The following SLC25A13 variants were observed in gnomAD, a reference collection of about 807,000 sequenced individuals.
SLC25A13 encodes the protein solute carrier family 25 member 13.
In SLC25A13, 70 loss-of-function variants were observed where a neutral mutation model predicts 85.5. The ratio of observed to expected loss-of-function variants is 0.82; its 90% confidence interval spans 0.68 to 1.00. The LOEUF (loss-of-function observed/expected upper bound fraction) is 1.00. Among genes scored for constraint, SLC25A13 ranks in the 50% least tolerant of loss-of-function variants. The pLI, the probability that SLC25A13 is intolerant of heterozygous loss-of-function variation, is 0.00. For missense variants in SLC25A13, 765 were observed against 819.8 expected, an observed-to-expected ratio of 0.93 and a Z score of 0.82; for synonymous variants, 259 against 288.7, an observed-to-expected ratio of 0.90 and a Z score of 1.04.
chr7:96,239,065 A>ATATATATG (rs1392985826), intron 3 of SLC25A13, among the ~76,000 whole-genome samples: 4 of 132,064 alleles, frequency 3.0e-5, no homozygotes, highest in African/African-American at 8.8e-5. Context: ...ATATATATAT[A>ATATATATG]TATGTATGTA....
Position 96,248,344 on chromosome 7 carries a change from G to C in SLC25A13, c.213-13427C>G, listed in dbSNP as rs941607852. The stretch of plus-strand genomic sequence containing the variant: ...TAGATTCTAAAATCCTGGCAGCAAG[G>C]GCAGGGGGACTCATAGAAGTTCAGG... On this transcript the variant is annotated intron_variant, in intron 3 of 17. Coordinates refer to ENST00000265631, the MANE Select transcript of SLC25A13 (RefSeq NM_014251.3). Among the ~76,000 whole-genome samples the C allele has an allele frequency of 3.3e-5, 5 of 152,204 alleles. No individual in the cohort carries two copies. The South Asian group carries it at 1.0e-3, about 32-fold the overall frequency.
Position 96,120,263 on chromosome 7 carries a change from C to A in SLC25A13, c.*928G>T, listed in dbSNP as rs1311470087. 2.2e-6 allele frequency: 1 copy of A among 453,660 alleles called. No homozygotes were observed. Among genetic ancestry groups the A allele is most frequent in the South Asian group, 1.6e-5 (1 of 64,462 alleles). 28.1% of individuals were successfully genotyped at this position (453,660 alleles called of 1,614,324 possible). A position where few individuals can be genotyped will look rare whatever the true frequency, so the allele number is the denominator to read the frequency against. ...ATTTCCACCTTCACAAATTCATGCG[C>A]CTCTGACCATTATGCAAGGCAACAT... On this transcript the variant is annotated 3_prime_UTR_variant, in exon 18 of 18. Transcript: ENST00000265631.
intron 14 of SLC25A13, among the ~76,000 whole-genome samples, chr7:96,135,878 T>A (rs1364088894): frequency 1.3e-5 from 2 of 150,372 alleles, no homozygotes; most frequent in Non-Finnish European, 3.0e-5. Context: ...TTTTTTTTTT[T>A]AAACTGGTTT....
At chr7:96,137,586 T>C (rs767628933) in intron 14 of SLC25A13, among the ~76,000 whole-genome samples, 4 of 152,224 alleles carry the variant, frequency 2.6e-5, no homozygotes, top group African/African-American at 7.2e-5. Context: ...CTGAAGCTGC[T>C]AGTCATGTCA....
At chr7:96,173,821 G>C (rs1794106763) in intron 11 of SLC25A13, among the ~76,000 whole-genome samples, 1 of 152,298 alleles carries the variant, frequency 6.6e-6, no homozygotes, top group East Asian at 1.9e-4. Context: ...CGCAAATCAA[G>C]AGTTCAGCAA....
intron 3 of SLC25A13, among the ~76,000 whole-genome samples, chr7:96,258,935 G>C (rs1465334192): frequency 6.6e-6 from 1 of 152,120 alleles, no homozygotes; most frequent in Non-Finnish European, 1.5e-5. Context: ...TCTGATCTTT[G>C]ACAAACCTGA....
chr7:96,283,356 T>C (rs1406632181), intron 2 of SLC25A13: 2 of 313,848 alleles, frequency 6.4e-6, no homozygotes, highest in African/African-American at 2.2e-5. Context: ...TTCACCAAAA[T>C]GGGATGAACA....
chr7:96,283,728 C>A, intron 2 of SLC25A13: 1 of 262,032 alleles, frequency 3.8e-6, no homozygotes, highest in South Asian at 4.7e-5. Flanking sequence ...TCAGCCTGCT[C>A]CACGCAGAGA....
chr7:96,228,607 G>A (rs1376701855), intron 4 of SLC25A13, among the ~76,000 whole-genome samples: 2 of 152,208 alleles, frequency 1.3e-5, no homozygotes, highest in Non-Finnish European at 2.9e-5. Context: ...GCCCACTCTG[G>A]CCACACTTGA....
At chr7:96,149,012 T>G (rs57441129) in intron 13 of SLC25A13, among the ~76,000 whole-genome samples, 42 of 152,344 alleles carry the variant, frequency 2.8e-4, no homozygotes, top group African/African-American at 9.9e-4. Flanking sequence ...TTACAATCAC[T>G]TGCAGACCTT....
At chr7:96,128,752 T>TATG (rs924294234) in intron 15 of SLC25A13, among the ~76,000 whole-genome samples, 1 of 139,966 alleles carries the variant, frequency 7.1e-6, no homozygotes, top group African/African-American at 2.6e-5. Flanking sequence ...GAACTTAAAG[T>TATG]ATAATAATAA....
At chr7:96,245,928 T>A (rs1797172946) in intron 3 of SLC25A13, among the ~76,000 whole-genome samples, 1 of 152,048 alleles carries the variant, frequency 6.6e-6, no homozygotes, top group South Asian at 2.1e-4. Context: ...GATAAAAAGG[T>A]CTCAATGTTA....
At chr7:96,311,412 T>C (rs779017762) in intron 1 of SLC25A13, among the ~76,000 whole-genome samples, 4 of 152,100 alleles carry the variant, frequency 2.6e-5, no homozygotes, top group Non-Finnish European at 5.9e-5. Context: ...GATTAAACTG[T>C]CACTTGCAGG....
At chr7:96,288,610 C>T (rs1798986423) in intron 2 of SLC25A13, among the ~76,000 whole-genome samples, 1 of 152,220 alleles carries the variant, frequency 6.6e-6, no homozygotes, top group Admixed American at 6.5e-5. Flanking sequence ...AAACGGCACA[C>T]CAGGAGAATA....
At position 96,214,720 on chromosome 7, in the gene SLC25A13, T is replaced by A. The variant is rs187436352; in HGVS notation, c.329-5743A>T. ...CCTGGGTGACAGGGCGAGACTCCGTTGCAAAAAAATTAATTAATTAATTAA... is the reference window on the plus strand; with the variant it reads ...CCTGGGTGACAGGGCGAGACTCCGTAGCAAAAAAATTAATTAATTAATTAA... On this transcript the variant is annotated intron_variant, in intron 4 of 17. Transcript: ENST00000265631. 8.6e-4 allele frequency among the ~76,000 whole-genome samples: 130 copies of A among 151,558 alleles called. 1 individual carries two copies. Among genetic ancestry groups the A allele is most frequent in the African/African-American group, 2.9e-3 (122 of 41,472 alleles).
At chr7:96,310,005 C>G (rs1204460652) in intron 1 of SLC25A13, among the ~76,000 whole-genome samples, 1 of 152,154 alleles carries the variant, frequency 6.6e-6, no homozygotes, top group Admixed American at 6.5e-5. Flanking sequence ...CATGAAGACA[C>G]CCATCTACAA....
At chr7:96,243,995 C>T (rs746727144) in intron 3 of SLC25A13, among the ~76,000 whole-genome samples, 3 of 152,182 alleles carry the variant, frequency 2.0e-5, no homozygotes, top group Non-Finnish European at 4.4e-5. Flanking sequence ...CACTGTGGAG[C>T]ACGGGCCGCC....
intron 4 of SLC25A13, among the ~76,000 whole-genome samples, chr7:96,228,654 C>T (rs766322523): frequency 5.9e-5 from 9 of 152,224 alleles, no homozygotes; most frequent in East Asian, 1.9e-4. Flanking sequence ...GTGGGAGCCC[C>T]TCTCTGGGCC....
intron 3 of SLC25A13, among the ~76,000 whole-genome samples, chr7:96,269,289 A>G (rs145903839): frequency 1.2e-3 from 177 of 152,326 alleles, no homozygotes; most frequent in Middle Eastern, 6.8e-3. Flanking sequence ...CAAGAGTGCT[A>G]CAGAAAACAG....
Sources: allele counts gnomAD v4.1 joint callset (sites outside exome capture counted in the v4.1 genomes callset), GRCh38; gene constraint gnomAD v4.1.1; transcripts MANE v1.5; gene names NCBI Gene and HGNC (gene_info 2026-07-23, HGNC 2026-07-21).